Variants in INPP5F observed in about 807,000 individuals in gnomAD.
INPP5F encodes inositol polyphosphate-5-phosphatase F, also known as phosphatidylinositide 4-phosphatase SAC2.
INPP5F carries 97 observed loss-of-function variants against 137.2 expected under a neutral mutation model. The observed-to-expected ratio is 0.71, with a 90% CI of 0.60 to 0.84. The LOEUF is 0.84. Among genes scored for constraint, INPP5F ranks in the 40% least tolerant of loss-of-function variants. INPP5F has a pLI of 0.00. For synonymous variants in INPP5F, 504 were observed against 476.9 expected, an observed-to-expected ratio of 1.06 and a Z score of -0.74; for missense variants, 1,271 against 1,371.9, an observed-to-expected ratio of 0.93 and a Z score of 1.16.
chr10:119,749,134 G>A (rs576252585), intron 1 of INPP5F, among the ~76,000 whole-genome samples: 1 of 152,370 alleles, frequency 6.6e-6, no homozygotes, highest in East Asian at 1.9e-4. Context: ...TGGGAGCAGG[G>A]AGAGAGGCCA....
intron 2 of INPP5F, among the ~76,000 whole-genome samples, chr10:119,762,884 A>G (rs1849048954): frequency 6.6e-6 from 1 of 152,162 alleles, no homozygotes; most frequent in Non-Finnish European, 1.5e-5. Flanking sequence ...ATTCATTATA[A>G]TCCCAACATT....
chr10:119,825,559 G>A (rs1324089221), intron 19 of INPP5F, among the ~76,000 whole-genome samples: 1 of 152,128 alleles, frequency 6.6e-6, no homozygotes, highest in African/African-American at 2.4e-5. Flanking sequence ...CACAACTCAC[G>A]TGGCCACAAG....
chr10:119,781,989 G>A (rs1480871616), intron 3 of INPP5F, among the ~76,000 whole-genome samples: 6 of 152,140 alleles, frequency 3.9e-5, no homozygotes, highest in African/African-American at 7.2e-5. Context: ...TGCTGTGGTC[G>A]CAGTAGTGTT....
At chr10:119,756,865 C>CAAAAAAAAA in intron 2 of INPP5F, among the ~76,000 whole-genome samples, 1 of 97,344 alleles carries the variant, frequency 1.0e-5, no homozygotes, top group Non-Finnish European at 1.9e-5. Context: ...AGCTCTGCCA[C>CAAAAAAAAA]AAAAAAAAAA....
At chr10:119,747,535 T>A (rs533746586) in intron 1 of INPP5F, among the ~76,000 whole-genome samples, 110 of 152,104 alleles carry the variant, frequency 7.2e-4, no homozygotes, top group African/African-American at 2.3e-3. Context: ...TAAAAAAAAA[T>A]TTTTTTTAAT....
intron 1 of INPP5F, 109 bp from the exon 2 acceptor site, chr10:119,750,967 A>G (rs932021150): frequency 1.4e-6 from 1 of 733,304 alleles, no homozygotes; most frequent in Non-Finnish European, 2.4e-6. Context: ...TTGGATATTC[A>G]TACTGCTTTT....
chr10:119,817,774 T>C (rs545022446), intron 15 of INPP5F, among the ~76,000 whole-genome samples: 1 of 152,366 alleles, frequency 6.6e-6, no homozygotes, highest in South Asian at 2.1e-4. Context: ...TACAGGGATG[T>C]ATTCTATCTT....
intron 13 of INPP5F, 96 bp downstream of exon 13, chr10:119,808,156 A>C: frequency 7.1e-7 from 1 of 1,417,626 alleles, no homozygotes; most frequent in Non-Finnish European, 9.5e-7. Flanking sequence ...TCCAGATTGC[A>C]GATGTGTGTA....
rs554637418 is a variant in INPP5F at position 119,827,091 on chromosome 10, C to A, written c.2710C>A (p.Arg904=). 5.6e-6 allele frequency: 9 copies of A among 1,614,012 alleles called. No individual in the cohort carries two copies. Among genetic ancestry groups the A allele is most frequent in the Non-Finnish European group, 3.4e-6 (4 of 1,180,006 alleles). ...IIASAPRLGS[R]SQSLSSTDSS... is the part of the protein sequence containing the mutation. ...TGCCTCAGCGCCTCGATTGGGCAGTCGGTCCCAGTCTCTTAGCAGCACAGA... is the reference window on the plus strand; with the variant it reads ...TGCCTCAGCGCCTCGATTGGGCAGTAGGTCCCAGTCTCTTAGCAGCACAGA... Residue 904 remains arginine, a synonymous_variant, in exon 20 of 20, where the codon CGG becomes AGG. Coordinates refer to ENST00000650623, the MANE Select transcript of INPP5F (RefSeq NM_014937.4).
Position 119,751,169 on chromosome 10 carries a change from A to G in INPP5F, c.178+13A>G, listed in dbSNP as rs374837994. ...CAACTTCATTCAGGTATGTTTCTAT[A>G]AACTCCTTAAACTTGTCAAATTTAT... is the stretch of plus-strand genomic sequence containing the variant. On this transcript the variant is annotated intron_variant, in intron 2 of 19. Coordinates refer to ENST00000650623, the MANE Select transcript of INPP5F (RefSeq NM_014937.4). 198 of 1,444,438 alleles carry G rather than the reference A, an allele frequency of 1.4e-4. No individual in the cohort carries two copies. Among genetic ancestry groups the G allele is most frequent in the Non-Finnish European group, 1.9e-4 (193 of 1,026,044 alleles). The allele number at this position is 1,444,438 out of a possible 1,614,324, so 89.5% of individuals were successfully genotyped here.
chr10:119,760,893 G>A (rs1302318480), intron 2 of INPP5F, among the ~76,000 whole-genome samples: 2 of 152,126 alleles, frequency 1.3e-5, no homozygotes, highest in Non-Finnish European at 2.9e-5. Flanking sequence ...GGAGTTTAGT[G>A]GCTAGGAAAG....
At chr10:119,773,290 C>G (rs186148697) in intron 2 of INPP5F, among the ~76,000 whole-genome samples, 1 of 152,154 alleles carries the variant, frequency 6.6e-6, no homozygotes, top group Non-Finnish European at 1.5e-5. Context: ...CTCCTGGACT[C>G]AAGCAGTCCA....
chr10:119,731,228 A>G (rs1848053924), intron 1 of INPP5F, among the ~76,000 whole-genome samples: 1 of 152,098 alleles, frequency 6.6e-6, no homozygotes, highest in Non-Finnish European at 1.5e-5. Flanking sequence ...TGAATGAGAA[A>G]TCATAATTAT....
intron 15 of INPP5F, chr10:119,818,780 CGACGGACGGACA>C (rs968829152): frequency 5.9e-5 from 9 of 152,378 alleles, no homozygotes; most frequent in Non-Finnish European, 1.0e-4. Flanking sequence ...CTCGAGGCAT[CGACGGACGGACA>C]GACGGACGGA....
chr10:119,807,056 A>G (rs1375768315), intron 12 of INPP5F, among the ~76,000 whole-genome samples: 2 of 151,956 alleles, frequency 1.3e-5, no homozygotes, highest in African/African-American at 4.8e-5. Flanking sequence ...GGATCACCTG[A>G]GGTCAGGAGT....
chr10:119,823,064 AT>A lies in INPP5F; in HGVS notation c.2033-3del. ...TTAACTTTATACGTATTCATTTGGG[AT>A]TTTAGGCCCTGAACCCACTCTTTTT... On this transcript the variant is annotated splice_polypyrimidine_tract_variant and splice_region_variant and intron_variant, in intron 17 of 19. Transcript: ENST00000650623. The A allele has an allele frequency of 6.2e-7, 1 of 1,605,958 alleles. No homozygotes were observed. The highest frequency in any genetic ancestry group is 1.7e-5 in the Admixed American group (1 of 58,032).
intron 2 of INPP5F, among the ~76,000 whole-genome samples, chr10:119,769,041 G>A (rs1447616405): frequency 1.3e-5 from 2 of 152,192 alleles, no homozygotes; most frequent in Non-Finnish European, 2.9e-5. Context: ...GAATTTCCAT[G>A]GAGTGGGGAA....
At chr10:119,775,798 G>C (rs1305488958) in intron 2 of INPP5F, among the ~76,000 whole-genome samples, 1 of 152,074 alleles carries the variant, frequency 6.6e-6, no homozygotes, top group Non-Finnish European at 1.5e-5. Context: ...GTCTAAAAGG[G>C]AAGTTTAAAA....
intron 3 of INPP5F, among the ~76,000 whole-genome samples, chr10:119,782,160 T>A (rs1849729633): frequency 6.6e-6 from 1 of 152,234 alleles, no homozygotes. Context: ...TTTGTCTGCA[T>A]TTCTTGAAAA....
Sources: gnomAD v4.1 joint callset for allele counts (sites outside exome capture counted in the v4.1 genomes callset) on GRCh38, gnomAD v4.1.1 for gene constraint, MANE v1.5 for transcripts, NCBI Gene and HGNC (gene_info 2026-07-23, HGNC 2026-07-21) for gene names.